TP73: variants seen among roughly 807,000 people sequenced by gnomAD.
The protein encoded by TP73 is tumor protein p73, also known as p53-like transcription factor.
In TP73, 25 loss-of-function variants were observed where a neutral mutation model predicts 62.5. That is an observed-to-expected ratio of 0.40 (90% CI 0.29 to 0.56). The LOEUF is 0.56. Ranked by LOEUF, TP73 falls within the 20% of genes least tolerant of loss-of-function variation. The pLI, the probability that TP73 is intolerant of heterozygous loss-of-function variation, is 0.46. For missense variants in TP73, 754 were observed against 913.3 expected, an observed-to-expected ratio of 0.83 and a Z score of 2.25; for synonymous variants, 423 against 377.5, an observed-to-expected ratio of 1.12 and a Z score of -1.40.
Position 3,732,775 on chromosome 1 carries a change from A to G in TP73, c.1607A>G (p.Gln536Arg), listed in dbSNP as rs1642235176. ...CTGGGGGCCCTGAAGATCCCCGAGC[A>G]GTACCGCATGACCATCTGGCGGGGC... The part of the protein sequence containing the change: ...EDLGALKIPE[Q>R]YRMTIWRGLQ... Residue 536 changes from glutamine (Q) to arginine (R), a missense_variant, in exon 14 of 14, where the codon CAG (glutamine) becomes CGG (arginine). Gln to Arg is a conservative substitution (Grantham distance 43, BLOSUM62 1). Coordinates refer to ENST00000378295, the MANE Select transcript of TP73 (RefSeq NM_005427.4). 6.3e-7 allele frequency: 1 copy of G among 1,593,486 alleles called. No individual in the cohort carries two copies.
intron 3 of TP73, among the ~76,000 whole-genome samples, chr1:3,684,555 A>G (rs1645604923): frequency 6.6e-6 from 1 of 152,120 alleles, no homozygotes; most frequent in Admixed American, 6.5e-5. Flanking sequence ...TCCAGTCAGA[A>G]CGAACAGAGT....
Position 3,670,605 on chromosome 1 carries a change from G to T in TP73, c.-33-11728G>T, listed in dbSNP as rs1013209575. Among the ~76,000 whole-genome samples, 4 of 152,140 alleles carry T rather than the reference G, an allele frequency of 2.6e-5. No homozygotes were observed. The highest frequency in any genetic ancestry group is 4.4e-5 in the Non-Finnish European group (3 of 68,020). On this transcript the variant is annotated intron_variant, in intron 1 of 13. Coordinates refer to ENST00000378295, the MANE Select transcript of TP73 (RefSeq NM_005427.4). This position sits in a 1 kb window ranked among gnomAD's most constrained non-coding sequence, Gnocchi z 5.9. ...CATTTGAACCTGGAAGGCGGAGGTT[G>T]CAGTGAGCTGAGATCGTACCACTGC...
chr1:3,731,079 C>T lies in TP73; in HGVS notation c.1484+14C>T, dbSNP rs183942266. On this transcript the variant is annotated intron_variant, in intron 12 of 13. Coordinates refer to ENST00000378295, the MANE Select transcript of TP73 (RefSeq NM_005427.4). The stretch of plus-strand genomic sequence containing the variant: ...CAGCCTCGTCAGGTGCGTGGGCTGC[C>T]GAGGGCCTGAGCATGTGCTGTCACC... The T allele has an allele frequency of 1.7e-5, 28 of 1,607,990 alleles. No individual in the cohort carries two copies. The Admixed American group carries it at 1.8e-4, about 11-fold the overall frequency.
At chr1:3,688,435 C>A (rs138537713) in intron 3 of TP73, among the ~76,000 whole-genome samples, 17 of 152,350 alleles carry the variant, frequency 1.1e-4, no homozygotes, top group Admixed American at 3.3e-4. Context: ...CATAACCCCT[C>A]CCACTAACTG....
At chr1:3,729,557 G>C in intron 10 of TP73, 109 bp downstream of exon 10, 1 of 1,575,962 alleles carries the variant, frequency 6.3e-7, no homozygotes, top group South Asian at 1.1e-5. Context: ...CATCTGCCAG[G>C]GACAGGCAGC....
At position 3,666,117 on chromosome 1, in the gene TP73, T is replaced by A; in HGVS notation, c.-34+13476T>A. 9.7e-6 allele frequency among the ~76,000 whole-genome samples: 1 copy of A among 102,640 alleles called. No homozygotes were observed. Among genetic ancestry groups the A allele is most frequent in the Non-Finnish European group, 1.8e-5 (1 of 55,204 alleles). 67.3% of individuals were successfully genotyped at this position (102,640 alleles called of 152,430 possible). A position where few individuals can be genotyped will look rare whatever the true frequency, so the allele number is the denominator to read the frequency against. On this transcript the variant is annotated intron_variant, in intron 1 of 13. Transcript: ENST00000378295. The surrounding 1 kb of genome is among the most constrained non-coding windows in gnomAD (Gnocchi z 6.4). ...CCAGCCTGGGCAACAAGAGCAAAAC[T>A]CTGTCTCAAAAAAAAAAAAAAAAAA...
intron 1 of TP73, among the ~76,000 whole-genome samples, chr1:3,669,436 C>G (rs1645191862): frequency 2.0e-5 from 3 of 152,234 alleles, no homozygotes; most frequent in Admixed American, 2.0e-4. Context: ...GGATCGGGGG[C>G]AGAAGTGGCT....
rs958446111 is a variant in TP73 at position 3,662,665 on chromosome 1, G to T, written c.-34+10024G>T. The stretch of plus-strand genomic sequence containing the variant: ...AATGGATATACCCAAGGCATGTTTG[G>T]GGTGGCACATTCTGCCCCCTCAAGC... On this transcript the variant is annotated intron_variant, in intron 1 of 13. Coordinates refer to ENST00000378295, the MANE Select transcript of TP73 (RefSeq NM_005427.4). The surrounding 1 kb of genome is among the most constrained non-coding windows in gnomAD (Gnocchi z 4.4). Among the ~76,000 whole-genome samples, 1 of 152,210 alleles carries T rather than the reference G, an allele frequency of 6.6e-6. No homozygotes were observed. Among genetic ancestry groups the T allele is most frequent in the Non-Finnish European group, 1.5e-5 (1 of 68,040 alleles).
chr1:3,723,231 C>T, intron 5 of TP73, 123 bp from the exon 6 acceptor site: 1 of 741,524 alleles, frequency 1.3e-6, no homozygotes, highest in Non-Finnish European at 2.3e-6. Flanking sequence ...CTGGGTACCT[C>T]TCTGCACCTG....
rs1436358716 is a variant in TP73 at position 3,723,603 on chromosome 1, G to A, written c.732+134G>A. 5.8e-6 allele frequency: 4 copies of A among 690,182 alleles called. No homozygotes were observed. In the East Asian group the frequency reaches 1.1e-4, roughly 19 times the overall value. 42.8% of individuals were successfully genotyped at this position (690,182 alleles called of 1,614,324 possible). On this transcript the variant is annotated intron_variant, in intron 6 of 13. Coordinates refer to ENST00000378295, the MANE Select transcript of TP73 (RefSeq NM_005427.4). ...CCTGTCCTGTCGGCATCTGTCCAGG[G>A]CTCCCTGCTCTGTGATAAGTCTGTG...
intron 1 of TP73, among the ~76,000 whole-genome samples, chr1:3,665,642 G>GTTTGTCTCTCT (rs1553130742): frequency 6.8e-6 from 1 of 147,248 alleles, no homozygotes; most frequent in Non-Finnish European, 1.5e-5. Context: ...AGGTCCTTTG[G>GTTTGTCTCTCT]TTTGTCTCTC....
chr1:3,655,243 C>T (rs768737425), intron 1 of TP73, among the ~76,000 whole-genome samples: 2 of 152,002 alleles, frequency 1.3e-5, no homozygotes, highest in Non-Finnish European at 2.9e-5. Flanking sequence ...AAAAATTAGC[C>T]GGGGGTGGTG....
intron 4 of TP73, among the ~76,000 whole-genome samples, chr1:3,713,611 G>A (rs905761651): frequency 1.8e-4 from 27 of 152,232 alleles, no homozygotes; most frequent in East Asian, 5.8e-4. Flanking sequence ...TTGAAGCCAC[G>A]GACCCTGGAG....
At chr1:3,679,833 TTGTCCTTGTATCTCTCTGTCTCTC>T (rs1057224588) in intron 1 of TP73, among the ~76,000 whole-genome samples, 3 of 98,128 alleles carry the variant, frequency 3.1e-5, no homozygotes, top group African/African-American at 1.1e-4. Context: ...CTGTCTCTCT[TTGTCCTTGTATCTCTCTGTCTCTC>T]TTTGTCCCTG....
intron 3 of TP73, among the ~76,000 whole-genome samples, chr1:3,704,884 C>T (rs562300752): frequency 1.6e-4 from 25 of 152,282 alleles, no homozygotes; most frequent in South Asian, 1.4e-3. Flanking sequence ...GGCAGCTCGC[C>T]GGTGCCCAGG....
rs1273603210 is a variant in TP73 at position 3,701,424 on chromosome 1, T to C, written c.187-6125T>C. On this transcript the variant is annotated intron_variant, in intron 3 of 13. Coordinates refer to ENST00000378295, the MANE Select transcript of TP73 (RefSeq NM_005427.4). This position sits in a 1 kb window ranked among gnomAD's most constrained non-coding sequence, Gnocchi z 4.7. Reference sequence around the variant, plus strand: ...TTCCAGGAGGGCTCCCGGGCGAGAGTCACTTCCGATGAAGTCTCAGGTTAC... The same window carrying C: ...TTCCAGGAGGGCTCCCGGGCGAGAGCCACTTCCGATGAAGTCTCAGGTTAC... 6.6e-6 allele frequency among the ~76,000 whole-genome samples: 1 copy of C among 151,884 alleles called. No individual in the cohort carries two copies. Among genetic ancestry groups the C allele is most frequent in the Non-Finnish European group, 1.5e-5 (1 of 67,974 alleles).
At position 3,732,967 on chromosome 1, in the gene TP73, G is replaced by A. The variant is rs1177306625; in HGVS notation, c.1799G>A (p.Gly600Asp). ...CACACCATCACCATCCCCAACCGCG[G>A]CGGCCCAGGCGGCGGCCCTGACGAG... ...VRHTITIPNR[G>D]GPGGGPDEWA... The change falls in exon 14 of 14, where the codon GGC becomes GAC. Residue 600 changes from glycine (G) to aspartate (D), a missense_variant. Coordinates refer to ENST00000378295, the MANE Select transcript of TP73 (RefSeq NM_005427.4). 6.2e-7 allele frequency: 1 copy of A among 1,601,516 alleles called. No homozygotes were observed. Among genetic ancestry groups the A allele is most frequent in the East Asian group, 2.3e-5 (1 of 44,372 alleles).
At chr1:3,731,117 C>T (rs1324618939) in intron 12 of TP73, 52 bp downstream of exon 12, 3 of 1,581,940 alleles carry the variant, frequency 1.9e-6, no homozygotes, top group African/African-American at 2.7e-5. Flanking sequence ...GTCTGTTCAC[C>T]TCTGTCCTTC....
intron 3 of TP73, among the ~76,000 whole-genome samples, chr1:3,702,561 G>A (rs1378972833): frequency 1.3e-5 from 2 of 152,208 alleles, no homozygotes; most frequent in Non-Finnish European, 2.9e-5. Flanking sequence ...GAGGAGAGAT[G>A]AGGCCTCCTG....
Sources: gnomAD v4.1 joint callset for allele counts (sites outside exome capture counted in the v4.1 genomes callset) on GRCh38, gnomAD v4.1.1 for gene constraint, Gnocchi (gnomAD v3.1) non-coding constraint, MANE v1.5 for transcripts, NCBI Gene and HGNC (gene_info 2026-07-23, HGNC 2026-07-21) for gene names.